CAMTA1: variants seen among roughly 807,000 people sequenced by gnomAD.
CAMTA1 encodes the protein calmodulin binding transcription activator 1.
CAMTA1 carries 27 observed loss-of-function variants against 170.9 expected under a neutral mutation model. That is an observed-to-expected ratio of 0.16 (90% CI 0.12 to 0.22). The LOEUF (loss-of-function observed/expected upper bound fraction) is 0.22. Ranked by LOEUF, CAMTA1 falls within the 10% of genes least tolerant of loss-of-function variation. The probability of loss-of-function intolerance (pLI) is 1.00; values close to 1 mark genes in which losing one functional copy is unlikely to be tolerated. For synonymous variants in CAMTA1, 833 were observed against 891.5 expected (o/e 0.93, Z 1.17); for missense variants, 1,619 against 2,217.2 (o/e 0.73, Z 5.42).
chr1:7,460,204 G>A (rs1046644378), intron 5 of CAMTA1, among the ~76,000 whole-genome samples: 3 of 152,234 alleles, frequency 2.0e-5, no homozygotes, highest in Non-Finnish European at 4.4e-5. Flanking sequence ...CTCCCGTGGC[G>A]GCCCCTCTGC....
At chr1:7,269,339 A>G (rs1047407787) in intron 5 of CAMTA1, among the ~76,000 whole-genome samples, 1 of 152,268 alleles carries the variant, frequency 6.6e-6, no homozygotes, top group Non-Finnish European at 1.5e-5. Context: ...TGGACCTCCA[A>G]TATGGCAGGT....
chr1:7,660,530 C>G (rs2095946013), intron 7 of CAMTA1, among the ~76,000 whole-genome samples: 2 of 152,120 alleles, frequency 1.3e-5, no homozygotes, highest in Admixed American at 1.3e-4. Context: ...AGAGTGACAC[C>G]TGTTTCAAAA....
At position 7,622,096 on chromosome 1, in the gene CAMTA1, G is replaced by C. The variant is rs577688442; in HGVS notation, c.511-18304G>C. Among the ~76,000 whole-genome samples the C allele has an allele frequency of 5.3e-5, 8 of 152,334 alleles. No homozygotes were observed. In the East Asian group the frequency reaches 1.4e-3, roughly 26 times the overall value. Reference sequence around the variant, plus strand: ...TTCTGTTCATGACCCTGGAGGTATGGGGGGAGGAGGAGGAAGCGGAGATTG... The same window carrying C: ...TTCTGTTCATGACCCTGGAGGTATGCGGGGAGGAGGAGGAAGCGGAGATTG... On this transcript the variant is annotated intron_variant, in intron 6 of 22. Transcript: ENST00000303635.
chr1:7,193,474 G>A (rs139105724), intron 4 of CAMTA1, among the ~76,000 whole-genome samples: 15 of 151,948 alleles, frequency 9.9e-5, no homozygotes, highest in African/African-American at 3.4e-4. Context: ...CAATTGTATC[G>A]GATGTTTCTG....
Position 7,751,037 on chromosome 1 carries a change from AAGATTCCTC to A in CAMTA1, c.4690-160_4690-152del, listed in dbSNP as rs2096893260. ...TTTACATTTTGGAAAGGTAGGTGTA[AAGATTCCTC>A]ATTTGCCTCTTTTGTGATTAAACCC... On this transcript the variant is annotated intron_variant, in intron 19 of 22. Transcript: ENST00000303635. The A allele has an allele frequency of 1.5e-5, 11 of 745,934 alleles. No homozygotes were observed. The African/African-American group carries it at 1.7e-4, about 12-fold the overall frequency. The allele number at this position is 745,934 out of a possible 1,614,324, so 46.2% of individuals were successfully genotyped here. A position where few individuals can be genotyped will look rare whatever the true frequency, so the allele number is the denominator to read the frequency against.
intron 5 of CAMTA1, among the ~76,000 whole-genome samples, chr1:7,380,159 A>G (rs1469446332): frequency 6.6e-6 from 1 of 152,250 alleles, no homozygotes; most frequent in Non-Finnish European, 1.5e-5. Flanking sequence ...TATTATTTAT[A>G]TGCAAATCTG....
At chr1:7,408,840 A>G (rs1176665243) in intron 5 of CAMTA1, among the ~76,000 whole-genome samples, 1 of 152,256 alleles carries the variant, frequency 6.6e-6, no homozygotes, top group Non-Finnish European at 1.5e-5. Flanking sequence ...TCTGGCACTC[A>G]TTGGCAGCAG....
intron 5 of CAMTA1, among the ~76,000 whole-genome samples, chr1:7,436,540 C>G (rs1425787518): frequency 1.3e-5 from 2 of 152,130 alleles, no homozygotes; most frequent in Non-Finnish European, 2.9e-5. Context: ...GACCACAGGG[C>G]CCCAGGGAAC....
chr1:7,384,762 A>C (rs941804056), intron 5 of CAMTA1, among the ~76,000 whole-genome samples: 1 of 152,136 alleles, frequency 6.6e-6, no homozygotes, highest in Non-Finnish European at 1.5e-5. Flanking sequence ...GTTGCTAATT[A>C]GGAGGGGCAG....
At chr1:7,131,317 T>C (rs1047859441) in intron 4 of CAMTA1, among the ~76,000 whole-genome samples, 1 of 152,118 alleles carries the variant, frequency 6.6e-6, no homozygotes, top group East Asian at 1.9e-4. Flanking sequence ...GAAGTAAAAT[T>C]TGTTGACTAT....
chr1:7,568,560 A>G (rs552723142), intron 6 of CAMTA1, among the ~76,000 whole-genome samples: 2 of 151,016 alleles, frequency 1.3e-5, no homozygotes, highest in East Asian at 3.9e-4. Context: ...CCACATCACC[A>G]TCACCACCGA....
intron 4 of CAMTA1, among the ~76,000 whole-genome samples, chr1:7,143,171 T>A (rs1175359968): frequency 6.6e-6 from 1 of 151,990 alleles, no homozygotes; most frequent in East Asian, 1.9e-4. Flanking sequence ...GGTGGGGTCG[T>A]CAGCAGCAAG....
At chr1:7,148,220 A>C (rs1646350048) in intron 4 of CAMTA1, among the ~76,000 whole-genome samples, 1 of 148,548 alleles carries the variant, frequency 6.7e-6, no homozygotes, top group Non-Finnish European at 1.5e-5. Flanking sequence ...ACACTCATAC[A>C]TCATGCACAC....
At chr1:7,290,452 C>T (rs1478410625) in intron 5 of CAMTA1, among the ~76,000 whole-genome samples, 1 of 152,158 alleles carries the variant, frequency 6.6e-6, no homozygotes, top group Non-Finnish European at 1.5e-5. Flanking sequence ...AGCTTTCCAC[C>T]TGGGCAGGGG....
At chr1:6,932,455 T>A (rs12726010) in intron 3 of CAMTA1, among the ~76,000 whole-genome samples, 3,036 of 152,366 alleles carry the variant, frequency 0.02, 42 homozygotes, top group Middle Eastern at 0.054. Flanking sequence ...CTTTTTACTT[T>A]TATAAATAAA....
intron 5 of CAMTA1, among the ~76,000 whole-genome samples, chr1:7,450,232 T>C (rs2092790569): frequency 6.6e-6 from 1 of 152,202 alleles, no homozygotes; most frequent in Non-Finnish European, 1.5e-5. Flanking sequence ...TCCCTCCTCC[T>C]TGAAGGTTGT....
chr1:7,530,896 C>T (rs2094485369), intron 6 of CAMTA1, among the ~76,000 whole-genome samples: 1 of 143,268 alleles, frequency 7.0e-6, no homozygotes, highest in Non-Finnish European at 1.5e-5. Flanking sequence ...CTCACTGCAA[C>T]CTCTGCCTCC....
intron 5 of CAMTA1, among the ~76,000 whole-genome samples, chr1:7,414,681 C>A (rs1226476179): frequency 7.9e-5 from 12 of 151,854 alleles, no homozygotes; most frequent in Non-Finnish European, 1.3e-4. Flanking sequence ...AGCGGTCTAT[C>A]AATTTTGTTG....
chr1:7,247,375 C>T (rs563133886), intron 4 of CAMTA1, among the ~76,000 whole-genome samples: 3 of 152,238 alleles, frequency 2.0e-5, no homozygotes, highest in Admixed American at 1.3e-4. Context: ...ATACCACTTA[C>T]GATGTGGGAA....
Sources: allele counts gnomAD v4.1 joint callset (sites outside exome capture counted in the v4.1 genomes callset), GRCh38; gene constraint gnomAD v4.1.1; transcripts MANE v1.5; gene names NCBI Gene and HGNC (gene_info 2026-07-23, HGNC 2026-07-21).